Variants in PRKX observed in about 807,000 individuals in gnomAD.
The protein encoded by PRKX is protein kinase cAMP-dependent X-linked catalytic subunit, also known as cAMP-dependent protein kinase catalytic subunit PRKX.
Under a neutral mutation model 22.0 loss-of-function variants are expected in PRKX, and 12 were observed. The observed-to-expected ratio is 0.54, with a 90% CI of 0.35 to 0.88. The LOEUF (loss-of-function observed/expected upper bound fraction) is 0.88. PRKX is among the 40% of genes least tolerant of loss of function. PRKX has a pLI of 0.01. For missense variants in PRKX, 217 were observed against 308.0 expected, an observed-to-expected ratio of 0.70 and a Z score of 2.21; for synonymous variants, 134 against 137.7, an observed-to-expected ratio of 0.97 and a Z score of 0.19.
chrX:3,669,795 A>G (rs761344528), intron 2 of PRKX, among the ~76,000 whole-genome samples: 3 of 111,705 alleles, frequency 2.7e-5, no homozygotes, highest in Non-Finnish European at 5.6e-5. Flanking sequence ...ATTTACACCT[A>G]TCTTAATATC....
intron 4 of PRKX, among the ~76,000 whole-genome samples, chrX:3,637,806 G>A (rs1436519697): frequency 5.3e-4 from 52 of 97,937 alleles, no homozygotes; most frequent in African/African-American, 2.0e-3. Context: ...CACCTCTGTT[G>A]CCCAGGCTGG....
chrX:3,642,671 C>CA (rs1003398174), intron 3 of PRKX, among the ~76,000 whole-genome samples: 10 of 103,539 alleles, frequency 9.7e-5, no homozygotes, highest in South Asian at 4.1e-4. Flanking sequence ...ATCCTTTATC[C>CA]AAAAAAAAAA....
intron 1 of PRKX, among the ~76,000 whole-genome samples, chrX:3,680,667 G>C: frequency 8.9e-6 from 1 of 112,137 alleles, no homozygotes. Flanking sequence ...CAACTCAGCA[G>C]AACTAAAATA....
intron 4 of PRKX, among the ~76,000 whole-genome samples, chrX:3,628,583 T>C (rs367714077): frequency 9.0e-6 from 1 of 110,573 alleles, no homozygotes; most frequent in East Asian, 2.8e-4. Flanking sequence ...TAAAAAAATA[T>C]ATATTAGCTG....
In PRKX at chrX:3,621,771, T is replaced by C. The variant is rs766587941; in HGVS notation, c.816-455A>G. On this transcript the variant is annotated intron_variant, in intron 5 of 8. Transcript: ENST00000262848. ...GCTGGCTTTCCCATAAGCACACACATTAGGATGAGTCTCCTAAGTCTGCTT... is the reference window on the plus strand; with the variant it reads ...GCTGGCTTTCCCATAAGCACACACACTAGGATGAGTCTCCTAAGTCTGCTT... 1.9e-3 allele frequency among the ~76,000 whole-genome samples: 215 copies of C among 111,526 alleles called. 1 individual carries two copies. Among genetic ancestry groups the C allele is most frequent in the Non-Finnish European group, 3.3e-3 (176 of 53,116 alleles).
At chrX:3,679,392 G>A (rs1172909640) in intron 1 of PRKX, among the ~76,000 whole-genome samples, 2 of 112,786 alleles carry the variant, frequency 1.8e-5, no homozygotes, top group African/African-American at 3.2e-5. Flanking sequence ...CAAAGGACAC[G>A]ATTCTGTTCT....
In PRKX at chrX:3,640,898, A is replaced by T. The variant is rs760645780; in HGVS notation, c.719+954T>A. ...GCTCATTATACATTAATTATAATGC[A>T]TTAGGTACTAAAAGACACTCCCACA... is the stretch of plus-strand genomic sequence containing the variant. On this transcript the variant is annotated intron_variant, in intron 4 of 8. Coordinates refer to ENST00000262848, the MANE Select transcript of PRKX (RefSeq NM_005044.5). Among the ~76,000 whole-genome samples the T allele has an allele frequency of 2.7e-5, 3 of 111,485 alleles. No individual in the cohort carries two copies. The East Asian group carries it at 8.5e-4, about 32-fold the overall frequency.
chrX:3,689,359 G>T (rs767562615), intron 1 of PRKX, among the ~76,000 whole-genome samples: 1 of 112,309 alleles, frequency 8.9e-6, no homozygotes, highest in Non-Finnish European at 1.9e-5. Context: ...TTATAGACAG[G>T]AAAAAAAGCT....
At chrX:3,666,405 C>G (rs1337507195) in intron 2 of PRKX, among the ~76,000 whole-genome samples, 1 of 110,586 alleles carries the variant, frequency 9.0e-6, no homozygotes, top group Non-Finnish European at 1.9e-5. Flanking sequence ...ATCCGTCCAC[C>G]TCGGCCTCCC....
intron 3 of PRKX, among the ~76,000 whole-genome samples, chrX:3,649,830 GAGGAAGGA>G (rs1174879240): frequency 1.2e-5 from 1 of 82,005 alleles, no homozygotes; most frequent in Non-Finnish European, 2.4e-5. Context: ...GGGAGGGAGG[GAGGAAGGA>G]AGGAAGGAAG....
chrX:3,647,354 A>G (rs1297854288), intron 3 of PRKX, among the ~76,000 whole-genome samples: 1 of 106,591 alleles, frequency 9.4e-6, no homozygotes, highest in African/African-American at 3.3e-5. Context: ...TAAATATGTA[A>G]TATTAAATAT....
chrX:3,637,487 C>T (rs1490243077), intron 4 of PRKX, among the ~76,000 whole-genome samples: 4 of 111,012 alleles, frequency 3.6e-5, no homozygotes, highest in South Asian at 3.9e-4. Flanking sequence ...GAGCTCAGGC[C>T]GGCTGGAGCT....
At chrX:3,663,325 G>A (rs1185044606) in intron 2 of PRKX, among the ~76,000 whole-genome samples, 2 of 108,004 alleles carry the variant, frequency 1.9e-5, no homozygotes, top group Admixed American at 2.0e-4. Context: ...GCATGGCGGT[G>A]TGCACCTATA....
chrX:3,682,193 G>A (rs1249558573), intron 1 of PRKX, among the ~76,000 whole-genome samples: 3 of 110,370 alleles, frequency 2.7e-5, no homozygotes, highest in Non-Finnish European at 3.8e-5. Context: ...GTAGATTCAC[G>A]GATGATCTCA....
intron 1 of PRKX, among the ~76,000 whole-genome samples, chrX:3,680,397 G>T (rs1174880111): frequency 4.5e-5 from 5 of 110,751 alleles, no homozygotes; most frequent in Non-Finnish European, 7.5e-5. Flanking sequence ...ACCCACCTCG[G>T]CCTCCCAAAG....
At chrX:3,662,118 C>T (rs1036074327) in intron 2 of PRKX, among the ~76,000 whole-genome samples, 9 of 111,421 alleles carry the variant, frequency 8.1e-5, no homozygotes, top group African/African-American at 2.9e-4. Context: ...ATGAGCTTTG[C>T]AGGCTTGATG....
At chrX:3,697,871 T>C (rs1400546977) in intron 1 of PRKX, among the ~76,000 whole-genome samples, 1 of 111,842 alleles carries the variant, frequency 8.9e-6, no homozygotes, top group African/African-American at 3.3e-5. Flanking sequence ...ATGTTTTCTT[T>C]ACACAGTCTG....
rs759611665 is a variant in PRKX, at chrX:3,654,108, C to T, written c.599+1041G>A. Among the ~76,000 whole-genome samples, 121 of 83,288 alleles carry T rather than the reference C, an allele frequency of 1.5e-3. 1 individual carries two copies. Among genetic ancestry groups the T allele is most frequent in the African/African-American group, 5.1e-3 (106 of 20,812 alleles). 72.3% of individuals were successfully genotyped at this position (83,288 alleles called of 115,157 possible). ...TATGTAGTATGTGTAATATATAATA[C>T]GTATAATATATACTATATAGAGTAT... On this transcript the variant is annotated intron_variant, in intron 3 of 8. Transcript: ENST00000262848.
chrX:3,668,892 G>C (rs760167863), intron 2 of PRKX, among the ~76,000 whole-genome samples: 1 of 112,763 alleles, frequency 8.9e-6, no homozygotes, highest in South Asian at 3.6e-4. Context: ...TACAGTGGGT[G>C]TCAATGGAGC....
Sources: allele counts gnomAD v4.1 joint callset (sites outside exome capture counted in the v4.1 genomes callset), GRCh38; gene constraint gnomAD v4.1.1; transcripts MANE v1.5; gene names NCBI Gene and HGNC (gene_info 2026-07-23, HGNC 2026-07-21).